The following SHISA6 variants were observed in gnomAD, a reference collection of about 807,000 sequenced individuals.
SHISA6 encodes shisa family member 6.
SHISA6 carries 22 observed loss-of-function variants against 47.9 expected under a neutral mutation model. That is an observed-to-expected ratio of 0.46 (90% CI 0.33 to 0.66). The LOEUF is 0.66. SHISA6 is among the 30% of genes least tolerant of loss of function. The probability of loss-of-function intolerance (pLI) is 0.02; values close to 1 mark genes in which losing one functional copy is unlikely to be tolerated. For missense variants in SHISA6, 680 were observed against 764.6 expected (o/e 0.89, Z 1.30); for synonymous variants, 388 against 337.8 (o/e 1.15, Z -1.63).
intron 3 of SHISA6, among the ~76,000 whole-genome samples, chr17:11,532,277 C>A (rs2071741207): frequency 6.6e-6 from 1 of 152,154 alleles, no homozygotes; most frequent in Non-Finnish European, 1.5e-5. Context: ...GCCACGTATA[C>A]CATATTCCAC....
At chr17:11,418,464 C>T (rs573079553) in intron 3 of SHISA6, among the ~76,000 whole-genome samples, 2 of 152,224 alleles carry the variant, frequency 1.3e-5, no homozygotes, top group African/African-American at 2.4e-5. Flanking sequence ...CACCCTGCCC[C>T]TCAACAGCAC....
Position 11,412,167 on chromosome 17 carries a change from G to GA in SHISA6, c.895+32664dup, listed in dbSNP as rs1201881060. 4.6e-5 allele frequency among the ~76,000 whole-genome samples: 7 copies of GA among 152,158 alleles called. No individual in the cohort carries two copies. The East Asian group carries it at 1.2e-3, about 25-fold the overall frequency. On this transcript the variant is annotated intron_variant, in intron 3 of 5. Coordinates refer to ENST00000441885, the MANE Select transcript of SHISA6 (RefSeq NM_207386.4). ...CCACTTTACTGGCTTTGAGTCCTTGGAAAAAATCATTTTAAATCTCTGAAC... is the reference window on the plus strand; with the variant it reads ...CCACTTTACTGGCTTTGAGTCCTTGGAAAAAAATCATTTTAAATCTCTGAAC...
intron 3 of SHISA6, among the ~76,000 whole-genome samples, chr17:11,470,477 C>T (rs567454623): frequency 2.6e-4 from 39 of 152,294 alleles, no homozygotes; most frequent in Non-Finnish European, 4.9e-4. Context: ...AGAACATCCC[C>T]CACAACAAGA....
At chr17:11,267,167 G>A (rs1196805341) in intron 2 of SHISA6, among the ~76,000 whole-genome samples, 1 of 152,098 alleles carries the variant, frequency 6.6e-6, no homozygotes, top group Admixed American at 6.5e-5. Flanking sequence ...TTTAAAGATT[G>A]CCCCATAAGG....
chr17:11,410,543 C>T (rs1914085102), intron 3 of SHISA6, among the ~76,000 whole-genome samples: 2 of 152,120 alleles, frequency 1.3e-5, no homozygotes, highest in African/African-American at 2.4e-5. Flanking sequence ...CTAACTTCTT[C>T]CTTTGGTCCT....
intron 2 of SHISA6, among the ~76,000 whole-genome samples, chr17:11,341,328 C>CTTTTTTTTT (rs71367322): frequency 5.6e-5 from 5 of 88,826 alleles, no homozygotes; most frequent in African/African-American, 1.8e-4. Flanking sequence ...CTCTCTCTCT[C>CTTTTTTTTT]TTTTTTTTTT....
intron 2 of SHISA6, among the ~76,000 whole-genome samples, chr17:11,351,980 CT>C (rs1271991076): frequency 6.6e-6 from 1 of 152,032 alleles, no homozygotes; most frequent in African/African-American, 2.4e-5. Context: ...AGAAGGATAA[CT>C]TTAAATTTTT....
intron 3 of SHISA6, among the ~76,000 whole-genome samples, chr17:11,495,653 A>G (rs1271372726): frequency 6.6e-6 from 1 of 152,182 alleles, no homozygotes; most frequent in Non-Finnish European, 1.5e-5. Context: ...AGTGACATGA[A>G]AACAGTCAGA....
chr17:11,534,157 C>CTTTTTTTTTT (rs373384700), intron 3 of SHISA6, among the ~76,000 whole-genome samples: 182 of 93,098 alleles, frequency 2.0e-3, no homozygotes, highest in African/African-American at 4.9e-3. Context: ...TCTTTTTTTT[C>CTTTTTTTTTT]TTTTTTTTTT....
At chr17:11,395,989 A>G (rs1913558563) in intron 3 of SHISA6, among the ~76,000 whole-genome samples, 1 of 152,210 alleles carries the variant, frequency 6.6e-6, no homozygotes, top group South Asian at 2.1e-4. Flanking sequence ...TGACTAAGGT[A>G]GATAGACAGA....
intron 2 of SHISA6, among the ~76,000 whole-genome samples, chr17:11,362,135 G>T (rs1290325372): frequency 6.6e-6 from 1 of 151,894 alleles, no homozygotes. Context: ...ATATTCCTGG[G>T]CCTAGTTTTT....
chr17:11,466,403 GC>G (rs1915811321), intron 3 of SHISA6, among the ~76,000 whole-genome samples: 1 of 152,092 alleles, frequency 6.6e-6, no homozygotes, highest in Non-Finnish European at 1.5e-5. Context: ...GAGGCAAGCA[GC>G]CCCCCACCCA....
chr17:11,515,337 G>A (rs1256959038), intron 3 of SHISA6, among the ~76,000 whole-genome samples: 5 of 149,590 alleles, frequency 3.3e-5, no homozygotes, highest in Admixed American at 6.7e-5. Context: ...AGGAAGGAAG[G>A]AAGGAAGGAA....
intron 3 of SHISA6, among the ~76,000 whole-genome samples, chr17:11,422,701 T>G (rs1050799799): frequency 6.6e-6 from 1 of 151,084 alleles, no homozygotes; most frequent in African/African-American, 2.4e-5. Context: ...AGGCAAAAGT[T>G]GCAGTGATCC....
At chr17:11,466,231 C>T (rs910211283) in intron 3 of SHISA6, among the ~76,000 whole-genome samples, 2 of 152,160 alleles carry the variant, frequency 1.3e-5, no homozygotes, top group Non-Finnish European at 2.9e-5. Flanking sequence ...TAAGAGAACA[C>T]ACCTGTTGTC....
At chr17:11,507,529 C>T (rs1035857403) in intron 3 of SHISA6, among the ~76,000 whole-genome samples, 7 of 152,238 alleles carry the variant, frequency 4.6e-5, no homozygotes, top group Admixed American at 2.0e-4. Flanking sequence ...AGGAAAGTAA[C>T]CCATTCTCTT....
chr17:11,422,248 G>A (rs1914469196), intron 3 of SHISA6, among the ~76,000 whole-genome samples: 1 of 152,182 alleles, frequency 6.6e-6, no homozygotes. Flanking sequence ...TGAACTGCAT[G>A]AGTCAAGAGA....
chr17:11,504,742 GAC>G (rs557809070), intron 3 of SHISA6, among the ~76,000 whole-genome samples: 163 of 152,174 alleles, frequency 1.1e-3, no homozygotes, highest in African/African-American at 3.7e-3. Flanking sequence ...GAAGGGGAAG[GAC>G]ACACACTCCC....
At chr17:11,494,196 C>G (rs776216121) in intron 3 of SHISA6, among the ~76,000 whole-genome samples, 60 of 152,112 alleles carry the variant, frequency 3.9e-4, no homozygotes, top group Non-Finnish European at 7.2e-4. Flanking sequence ...TTTTCCTCCC[C>G]ACCCCAGCTT....
Sources: gnomAD v4.1 joint callset for allele counts (sites outside exome capture counted in the v4.1 genomes callset) on GRCh38, gnomAD v4.1.1 for gene constraint, MANE v1.5 for transcripts, NCBI Gene and HGNC (gene_info 2026-07-23, HGNC 2026-07-21) for gene names.